The following ARHGAP42 variants were observed in gnomAD, a reference collection of about 807,000 sequenced individuals.
The protein encoded by ARHGAP42 is Rho GTPase activating protein 42, also known as rho GTPase-activating protein 42.
ARHGAP42 carries 63 observed loss-of-function variants against 125.0 expected under a neutral mutation model. The observed-to-expected ratio is 0.50, with a 90% CI of 0.41 to 0.62. The LOEUF (loss-of-function observed/expected upper bound fraction) is 0.62, where lower values mean the gene tolerates loss of function less well. ARHGAP42 is among the 20% of genes least tolerant of loss of function. ARHGAP42 has a pLI of 0.00. For synonymous variants in ARHGAP42, 339 were observed against 351.0 expected (o/e 0.97, Z 0.38); for missense variants, 766 against 1,024.2 (o/e 0.75, Z 3.44).
At chr11:100,738,167 C>T (rs1376390528) in intron 1 of ARHGAP42, among the ~76,000 whole-genome samples, 1 of 152,122 alleles carries the variant, frequency 6.6e-6, no homozygotes, top group Non-Finnish European at 1.5e-5. Context: ...CTGTGATAGC[C>T]TTTAATTTAT....
intron 4 of ARHGAP42, among the ~76,000 whole-genome samples, chr11:100,912,452 C>A (rs1866948732): frequency 6.6e-6 from 1 of 152,238 alleles, no homozygotes; most frequent in Non-Finnish European, 1.5e-5. Flanking sequence ...AATCTGCAGT[C>A]TGAACATGCT....
At chr11:100,712,783 C>G (rs1054259651) in intron 1 of ARHGAP42, among the ~76,000 whole-genome samples, 1 of 152,174 alleles carries the variant, frequency 6.6e-6, no homozygotes, top group African/African-American at 2.4e-5. Flanking sequence ...AAAGTCTTTA[C>G]TCTTTAACTA....
chr11:100,693,487 A>AT (rs1359466312), intron 1 of ARHGAP42, among the ~76,000 whole-genome samples: 1 of 152,222 alleles, frequency 6.6e-6, no homozygotes, highest in African/African-American at 2.4e-5. Flanking sequence ...CTTGGCACTC[A>AT]TTAGAGTGAA....
intron 1 of ARHGAP42, among the ~76,000 whole-genome samples, chr11:100,755,738 C>G (rs1295612974): frequency 6.6e-6 from 1 of 152,124 alleles, no homozygotes; most frequent in African/African-American, 2.4e-5. Context: ...CCTAGATGTG[C>G]ATGAATGAAA....
At chr11:100,715,573 T>C (rs1381468150) in intron 1 of ARHGAP42, among the ~76,000 whole-genome samples, 1 of 152,190 alleles carries the variant, frequency 6.6e-6, no homozygotes, top group African/African-American at 2.4e-5. Context: ...GTGTTCTGTC[T>C]CACAAGACTC....
At chr11:100,836,421 T>G (rs1019411010) in intron 3 of ARHGAP42, among the ~76,000 whole-genome samples, 3 of 152,100 alleles carry the variant, frequency 2.0e-5, no homozygotes, top group African/African-American at 7.2e-5. Context: ...CTAGATGAAA[T>G]GTCAATTTCT....
At chr11:100,954,405 T>G (rs1324110865) in intron 12 of ARHGAP42, among the ~76,000 whole-genome samples, 2 of 152,208 alleles carry the variant, frequency 1.3e-5, no homozygotes, top group Non-Finnish European at 2.9e-5. Flanking sequence ...TCAGTCCTTA[T>G]ACAAAATTGA....
intron 1 of ARHGAP42, among the ~76,000 whole-genome samples, chr11:100,744,953 C>T (rs1183411307): frequency 6.6e-6 from 1 of 152,156 alleles, no homozygotes; most frequent in African/African-American, 2.4e-5. Flanking sequence ...GTGGCCCCCG[C>T]TGCTGTGTCG....
chr11:100,781,371 G>A (rs2135010991), intron 2 of ARHGAP42, among the ~76,000 whole-genome samples: 1 of 151,996 alleles, frequency 6.6e-6, no homozygotes, highest in South Asian at 2.1e-4. Context: ...TTAGTATAGT[G>A]GAGTAGAAGG....
chr11:100,897,939 C>G (rs540155404), intron 4 of ARHGAP42, among the ~76,000 whole-genome samples: 21 of 152,272 alleles, frequency 1.4e-4, no homozygotes, highest in African/African-American at 4.6e-4. Flanking sequence ...GGGAATGTTT[C>G]CAGTTTTTGC....
intron 1 of ARHGAP42, among the ~76,000 whole-genome samples, chr11:100,727,479 C>A (rs931931289): frequency 6.6e-6 from 1 of 152,160 alleles, no homozygotes; most frequent in Non-Finnish European, 1.5e-5. Context: ...AAGGGCTGGT[C>A]ACCGGAAAGA....
intron 4 of ARHGAP42, among the ~76,000 whole-genome samples, chr11:100,871,282 G>A (rs921763485): frequency 1.6e-4 from 25 of 151,560 alleles, no homozygotes; most frequent in Non-Finnish European, 2.7e-4. Context: ...ACAGTGGCTC[G>A]TACCTATAAT....
intron 1 of ARHGAP42, among the ~76,000 whole-genome samples, chr11:100,731,062 G>GTTTTT (rs1861949106): frequency 6.6e-6 from 1 of 151,180 alleles, no homozygotes; most frequent in African/African-American, 2.4e-5. Flanking sequence ...GTTTTGTTTT[G>GTTTTT]TTTTTACCTT....
chr11:100,790,613 A>G (rs76792810), intron 2 of ARHGAP42, among the ~76,000 whole-genome samples: 1,832 of 152,266 alleles, frequency 0.012, 48 homozygotes, highest in African/African-American at 0.041. Context: ...TCTTTTCATA[A>G]TATTTCATGA....
In ARHGAP42 at chr11:100,974,593, C is replaced by T. The variant is rs912704225; in HGVS notation, c.1845C>T (p.Ala615=). The T allele has an allele frequency of 1.7e-5, 27 of 1,549,520 alleles. No homozygotes were observed. Among genetic ancestry groups the T allele is most frequent in the East Asian group, 1.5e-4 (6 of 40,920 alleles). ...KPRGRYTPCL[A]EPDSDSYSSS... is the part of the protein sequence containing the mutation. ...GAGGGAGGTATACTCCATGCCTGGC[C>T]GAACCTGATAGTAAGTGCACCCGGC... Residue 615 remains alanine, a synonymous_variant, in exon 19 of 24, where the codon GCC becomes GCT. Coordinates refer to ENST00000298815, the MANE Select transcript of ARHGAP42 (RefSeq NM_152432.4).
intron 1 of ARHGAP42, among the ~76,000 whole-genome samples, chr11:100,704,974 A>AGCCTGG (rs1565535049): frequency 1.1e-4 from 8 of 72,616 alleles, no homozygotes; most frequent in African/African-American, 3.1e-4. Context: ...GGTGAGCCTG[A>AGCCTGG]GTGAGCCTGG....
intron 21 of ARHGAP42, among the ~76,000 whole-genome samples, 191 bp from the exon 22 acceptor site, chr11:100,978,796 C>T (rs1412304617): frequency 6.6e-6 from 1 of 152,234 alleles, no homozygotes; most frequent in Non-Finnish European, 1.5e-5. Flanking sequence ...CAGCCTGGTA[C>T]TCTGTAAGCT....
intron 4 of ARHGAP42, among the ~76,000 whole-genome samples, chr11:100,903,131 A>G (rs944915925): frequency 2.0e-5 from 3 of 151,448 alleles, no homozygotes; most frequent in South Asian, 2.1e-4. Context: ...ACACACACAC[A>G]CACACACACA....
chr11:100,797,965 T>G (rs1471239511), intron 3 of ARHGAP42, among the ~76,000 whole-genome samples: 2 of 152,198 alleles, frequency 1.3e-5, no homozygotes, highest in Non-Finnish European at 2.9e-5. Context: ...CCCTCATGGA[T>G]GACTTGGAGA....
Sources: gnomAD v4.1 joint callset for allele counts (sites outside exome capture counted in the v4.1 genomes callset) on GRCh38, gnomAD v4.1.1 for gene constraint, MANE v1.5 for transcripts, NCBI Gene and HGNC (gene_info 2026-07-23, HGNC 2026-07-21) for gene names.